Variants in CDH9 observed in about 807,000 individuals in gnomAD.
CDH9 encodes the protein cadherin-9.
In CDH9, 28 loss-of-function variants were observed where a neutral mutation model predicts 70.9. The observed-to-expected ratio is 0.40, with a 90% CI of 0.29 to 0.54. The LOEUF (loss-of-function observed/expected upper bound fraction) is 0.54. Ranked by LOEUF, CDH9 falls within the 20% of genes least tolerant of loss-of-function variation. CDH9 has a pLI of 0.59. For synonymous variants in CDH9, 409 were observed against 343.1 expected (o/e 1.19, Z -2.12); for missense variants, 874 against 984.4 (o/e 0.89, Z 1.50).
chr5:26,937,844 G>A (rs1414172102), intron 2 of CDH9, among the ~76,000 whole-genome samples: 3 of 151,940 alleles, frequency 2.0e-5, no homozygotes, highest in Non-Finnish European at 2.9e-5. Context: ...GAATAGATGG[G>A]GTACAGGGGA....
chr5:26,884,620 G>T (rs2111965963), intron 11 of CDH9, among the ~76,000 whole-genome samples: 1 of 152,230 alleles, frequency 6.6e-6, no homozygotes, highest in African/African-American at 2.4e-5. Context: ...TGAGACAAAT[G>T]TTTTTCCCTC....
At chr5:26,909,921 T>C (rs903969882) in intron 3 of CDH9, among the ~76,000 whole-genome samples, 5 of 151,812 alleles carry the variant, frequency 3.3e-5, no homozygotes, top group African/African-American at 1.2e-4. Context: ...CCTCTGGATA[T>C]GGGAGAAAAA....
intron 2 of CDH9, among the ~76,000 whole-genome samples, chr5:26,927,992 C>A (rs1741375015): frequency 6.6e-6 from 1 of 151,994 alleles, no homozygotes; most frequent in African/African-American, 2.4e-5. Context: ...TCTGTCAAAA[C>A]CAGATTCATA....
intron 6 of CDH9, chr5:26,903,393 GA>G (rs1740890042): frequency 3.3e-6 from 2 of 605,606 alleles, no homozygotes; most frequent in Non-Finnish European, 5.9e-6. Flanking sequence ...CAAGTACCTT[GA>G]AGTTTATCTA....
intron 1 of CDH9, among the ~76,000 whole-genome samples, chr5:27,012,555 T>C (rs942895203): frequency 2.0e-5 from 3 of 152,016 alleles, no homozygotes; most frequent in Non-Finnish European, 2.9e-5. Flanking sequence ...ACCATGGTAA[T>C]GCTTTCAATT....
intron 2 of CDH9, among the ~76,000 whole-genome samples, chr5:26,978,268 A>G (rs1742338607): frequency 1.3e-5 from 2 of 151,988 alleles, no homozygotes; most frequent in Non-Finnish European, 2.9e-5. Context: ...TGACATCAAT[A>G]TATTGAAGAA....
rs557173292 is a variant in CDH9 at position 26,889,291 on chromosome 5, G to A, written c.1512+545C>T. On this transcript the variant is annotated intron_variant, in intron 9 of 11. Transcript: ENST00000231021. ...AGAATTACTTTATATACATTTGAAA[G>A]AATTACTTTGTAAGAAGACTTCATA... is the stretch of plus-strand genomic sequence containing the variant. 3.9e-5 allele frequency among the ~76,000 whole-genome samples: 6 copies of A among 152,048 alleles called. No individual in the cohort carries two copies. The South Asian group carries it at 1.2e-3, about 32-fold the overall frequency.
intron 7 of CDH9, among the ~76,000 whole-genome samples, chr5:26,900,056 A>C (rs750324832): frequency 3.3e-5 from 5 of 152,074 alleles, no homozygotes; most frequent in Non-Finnish European, 5.9e-5. Context: ...TATTTTGAAC[A>C]ACTTTATGTT....
intron 3 of CDH9, among the ~76,000 whole-genome samples, chr5:26,913,807 T>C (rs1741097082): frequency 6.6e-6 from 1 of 151,370 alleles, no homozygotes; most frequent in South Asian, 2.1e-4. Context: ...ATTTCAGTTC[T>C]GATATTGTTA....
Position 26,885,645 on chromosome 5 carries a change from A to T in CDH9, c.1851T>A (p.Val617=), listed in dbSNP as rs1740551427. Residue 617 remains valine, a synonymous_variant, in exon 11 of 12, where the codon GTT becomes GTA. Transcript: ENST00000231021. ...GTATGAGGACACAGAGTAGAATCGC[A>T]ACGAGAGCTCCCGTGCTCAGGCCGG... ...LSAGLSTGAL[V]AILLCVLILL... 6.2e-7 allele frequency: 1 copy of T among 1,613,590 alleles called. No homozygotes were observed. Among genetic ancestry groups the T allele is most frequent in the African/African-American group, 1.3e-5 (1 of 75,028 alleles).
chr5:26,931,932 G>T (rs2112024838), intron 2 of CDH9, among the ~76,000 whole-genome samples: 1 of 152,220 alleles, frequency 6.6e-6, no homozygotes, highest in South Asian at 2.1e-4. Context: ...CCTGTTTCAA[G>T]TTAGAAGGTC....
At position 26,915,788 on chromosome 5, in the gene CDH9, G is replaced by T; in HGVS notation, c.365C>A (p.Ser122Tyr). Reference protein sequence around the residue: ...AAKKLDREEKSLYILRAKAID... With the variant: ...AAKKLDREEKYLYILRAKAID... ...AGCCTTGGCACGAAGAATGTACAGAGATTTTTCTTCTCTGTCTAGTTTCTT... is the reference window on the plus strand; with the variant it reads ...AGCCTTGGCACGAAGAATGTACAGATATTTTTCTTCTCTGTCTAGTTTCTT... The change falls in exon 3 of 12, where the codon TCT becomes TAT. Residue 122 changes from serine (S) to tyrosine (Y), a missense_variant. By Grantham distance (144) the Ser-to-Tyr change is moderately radical. Coordinates refer to ENST00000231021, the MANE Select transcript of CDH9 (RefSeq NM_016279.4). 6.2e-7 allele frequency: 1 copy of T among 1,613,588 alleles called. No homozygotes were observed.
Position 26,886,012 on chromosome 5 carries a change from C to A in CDH9, c.1584G>T (p.Val528=). The change falls in exon 10 of 12, where the codon GTG becomes GTT. Residue 528 remains valine (V), a synonymous_variant. Coordinates refer to ENST00000231021, the MANE Select transcript of CDH9 (RefSeq NM_016279.4). Reference sequence around the variant, plus strand: ...AATTCGGATTGAGAGTAAATTCTGGCACTGGTTCAAAAAAGAATTTGTGAC... The same window carrying A: ...AATTCGGATTGAGAGTAAATTCTGGAACTGGTTCAAAAAAGAATTTGTGAC... ...PRGHKFFFEP[V]PEFTLNPNFT... The A allele has an allele frequency of 1.2e-6, 2 of 1,612,462 alleles. No homozygotes were observed. Among genetic ancestry groups the A allele is most frequent in the Non-Finnish European group, 1.7e-6 (2 of 1,179,554 alleles).
chr5:26,907,112 T>A (rs1463093430), intron 3 of CDH9, among the ~76,000 whole-genome samples: 1 of 152,154 alleles, frequency 6.6e-6, no homozygotes, highest in Non-Finnish European at 1.5e-5. Flanking sequence ...ATCACATTTT[T>A]AATTGATTGG....
intron 1 of CDH9, among the ~76,000 whole-genome samples, chr5:27,006,982 A>AT (rs2112111370): frequency 6.6e-6 from 1 of 152,250 alleles, no homozygotes; most frequent in African/African-American, 2.4e-5. Context: ...CCTAGAAGTC[A>AT]TTTATTGAAT....
chr5:26,954,627 G>A (rs1255612868), intron 2 of CDH9, among the ~76,000 whole-genome samples: 2 of 151,614 alleles, frequency 1.3e-5, no homozygotes, highest in South Asian at 4.2e-4. Context: ...CTCGTGATCC[G>A]CCTGTCTCGG....
At chr5:26,918,085 G>C (rs1741178645) in intron 2 of CDH9, among the ~76,000 whole-genome samples, 1 of 152,078 alleles carries the variant, frequency 6.6e-6, no homozygotes, top group South Asian at 2.1e-4. Context: ...ATCTGGCCCT[G>C]AATTCCAGAG....
chr5:26,996,786 A>T (rs1742673928), intron 1 of CDH9, among the ~76,000 whole-genome samples: 1 of 151,590 alleles, frequency 6.6e-6, no homozygotes, highest in Admixed American at 6.6e-5. Context: ...ATAGATATAG[A>T]TATGGATATG....
intron 11 of CDH9, among the ~76,000 whole-genome samples, chr5:26,882,003 T>C (rs865913688): frequency 6.6e-6 from 1 of 152,214 alleles, no homozygotes; most frequent in African/African-American, 2.4e-5. Context: ...CCTTTCACTT[T>C]GGCACAAGTA....
Sources: gnomAD v4.1 joint callset for allele counts (sites outside exome capture counted in the v4.1 genomes callset) on GRCh38, gnomAD v4.1.1 for gene constraint, MANE v1.5 for transcripts, NCBI Gene and HGNC (gene_info 2026-07-23, HGNC 2026-07-21) for gene names.